Variants in SLC16A7 observed in about 807,000 individuals in gnomAD.
The protein encoded by SLC16A7 is solute carrier family 16 member 7.
In SLC16A7, 33 loss-of-function variants were observed where a neutral mutation model predicts 34.9. That is an observed-to-expected ratio of 0.94 (90% confidence interval 0.72 to 1.26). SLC16A7 has a LOEUF of 1.26. Among genes scored for constraint, SLC16A7 ranks in the 50% most tolerant of loss-of-function variants. SLC16A7 has a pLI of 0.00. For synonymous variants in SLC16A7, 201 were observed against 206.6 expected (o/e 0.97, Z 0.23); for missense variants, 573 against 578.1 (o/e 0.99, Z 0.09).
chr12:59,637,880 G>A (rs1880504024), intron 1 of SLC16A7, among the ~76,000 whole-genome samples: 1 of 152,120 alleles, frequency 6.6e-6, no homozygotes, highest in Non-Finnish European at 1.5e-5. Context: ...ATAAAAGCAA[G>A]TTTGGTTCCC....
chr12:59,670,216 A>G (rs930350490), intron 2 of SLC16A7, among the ~76,000 whole-genome samples: 2 of 152,138 alleles, frequency 1.3e-5, no homozygotes, highest in African/African-American at 2.4e-5. Context: ...GTGTCTTCAC[A>G]TGGCTGTCTT....
intron 3 of SLC16A7, among the ~76,000 whole-genome samples, chr12:59,741,990 A>G (rs1878401740): frequency 6.6e-6 from 1 of 152,188 alleles, no homozygotes; most frequent in African/African-American, 2.4e-5. Flanking sequence ...GCAGGAAAGA[A>G]CACTTAAAAG....
chr12:59,677,299 A>C (rs1426791689), intron 2 of SLC16A7, among the ~76,000 whole-genome samples: 1 of 152,136 alleles, frequency 6.6e-6, no homozygotes, highest in East Asian at 1.9e-4. Flanking sequence ...AAAATTTGAA[A>C]ATTGAACATT....
At chr12:59,702,218 A>G (rs1199076728) in intron 2 of SLC16A7, among the ~76,000 whole-genome samples, 2 of 152,078 alleles carry the variant, frequency 1.3e-5, no homozygotes, top group Admixed American at 6.6e-5. Context: ...TACCTACAAT[A>G]TTTATTTCCT....
intron 2 of SLC16A7, among the ~76,000 whole-genome samples, chr12:59,669,705 G>T (rs1869516727): frequency 7.9e-6 from 1 of 126,156 alleles, no homozygotes; most frequent in Non-Finnish European, 1.7e-5. Flanking sequence ...AAACGGGAGA[G>T]AAACAAAGGC....
At chr12:59,754,064 C>A (rs559939262) in intron 3 of SLC16A7, among the ~76,000 whole-genome samples, 2 of 152,084 alleles carry the variant, frequency 1.3e-5, no homozygotes, top group South Asian at 2.1e-4. Flanking sequence ...CCAATGAGAA[C>A]AAAGACGCAA....
At chr12:59,701,521 A>G (rs1056151640) in intron 2 of SLC16A7, among the ~76,000 whole-genome samples, 2 of 151,676 alleles carry the variant, frequency 1.3e-5, no homozygotes, top group Non-Finnish European at 3.0e-5. Flanking sequence ...GGAGCAAACC[A>G]AGTAGAATGC....
chr12:59,773,310 G>C (rs866161019), intron 4 of SLC16A7, among the ~76,000 whole-genome samples: 2 of 152,004 alleles, frequency 1.3e-5, no homozygotes, highest in Admixed American at 1.3e-4. Context: ...GCATGTTCTT[G>C]TTCCTTCTTG....
Position 59,675,997 on chromosome 12 carries a change from T to A in SLC16A7, c.-31+20747T>A, listed in dbSNP as rs571798081. 8.5e-5 allele frequency among the ~76,000 whole-genome samples: 13 copies of A among 152,316 alleles called. No individual in the cohort carries two copies. The East Asian group carries it at 2.3e-3, about 27-fold the overall frequency. On this transcript the variant is annotated intron_variant, in intron 2 of 5. Coordinates refer to ENST00000547379, the MANE Select transcript of SLC16A7 (RefSeq NM_001270623.2). ...TAATCTGTTCAAAAATTAAATTTTT[T>A]ATTATTTCATTGCCAATTGACCTTC...
rs1033292411 is a variant in SLC16A7 at position 59,768,128 on chromosome 12, G to A, written c.218-3091G>A. The A allele has an allele frequency of 5.1e-5, 23 of 454,422 alleles. No homozygotes were observed. The East Asian group carries it at 1.6e-3, about 32-fold the overall frequency. The allele number at this position is 454,422 out of a possible 1,614,324, so 28.1% of individuals were successfully genotyped here. The stretch of plus-strand genomic sequence containing the variant: ...AAATACATTTTGTAAGCTTACAGCT[G>A]CCGTACATAATGACTCCTCTGATGA... On this transcript the variant is annotated intron_variant, in intron 3 of 5. Transcript: ENST00000547379.
At chr12:59,748,446 TATCTC>T (rs1361602772) in intron 3 of SLC16A7, among the ~76,000 whole-genome samples, 1 of 152,226 alleles carries the variant, frequency 6.6e-6, no homozygotes, top group African/African-American at 2.4e-5. Flanking sequence ...GTGTGACACT[TATCTC>T]TATGTGAGCG....
intron 1 of SLC16A7, among the ~76,000 whole-genome samples, chr12:59,614,850 AAAATT>A (rs1359148437): frequency 6.7e-6 from 1 of 148,464 alleles, no homozygotes; most frequent in Non-Finnish European, 1.5e-5. Flanking sequence ...AAAAAAAAAA[AAAATT>A]AGCCAGGCGT....
rs568964806 is a variant in SLC16A7, at chr12:59,695,335, G to C, written c.-30-9437G>C. On this transcript the variant is annotated intron_variant, in intron 2 of 5. Transcript: ENST00000547379. ...TGGTTACTTGTGGTGGGATGGAGCT[G>C]CTGTTCTCGAATTACCCAGCTTTAA... Among the ~76,000 whole-genome samples the C allele has an allele frequency of 1.4e-3, 214 of 152,036 alleles. 1 individual carries two copies. Among genetic ancestry groups the C allele is most frequent in the Middle Eastern group, 6.8e-3 (2 of 294 alleles).
At chr12:59,678,286 T>C (rs1315486906) in intron 2 of SLC16A7, among the ~76,000 whole-genome samples, 2 of 152,118 alleles carry the variant, frequency 1.3e-5, no homozygotes, top group Non-Finnish European at 2.9e-5. Flanking sequence ...TGGGTCTGAG[T>C]TTTTGTCCTG....
chr12:59,661,201 G>A (rs1265282291), intron 2 of SLC16A7, among the ~76,000 whole-genome samples: 1 of 152,016 alleles, frequency 6.6e-6, no homozygotes, highest in Non-Finnish European at 1.5e-5. Context: ...TGTATTAGAT[G>A]TACAATTTAG....
Position 59,784,657 on chromosome 12 carries a change from A to G in SLC16A7, c.*4978A>G, listed in dbSNP as rs1883490345. Reference sequence around the variant, plus strand: ...CATTGCTTTTGTCTTCTCCATCTAGACTTTTGCAGTCCTTAGACTATAGTT... The same window carrying G: ...CATTGCTTTTGTCTTCTCCATCTAGGCTTTTGCAGTCCTTAGACTATAGTT... On this transcript the variant is annotated 3_prime_UTR_variant, in exon 6 of 6. Coordinates refer to ENST00000547379, the MANE Select transcript of SLC16A7 (RefSeq NM_001270623.2). The G allele has an allele frequency of 6.6e-6, 1 of 152,100 alleles. No homozygotes were observed. Among genetic ancestry groups the G allele is most frequent in the African/African-American group, 2.4e-5 (1 of 41,400 alleles). 9.4% of individuals were successfully genotyped at this position (152,100 alleles called of 1,614,324 possible).
intron 3 of SLC16A7, among the ~76,000 whole-genome samples, chr12:59,739,690 T>A (rs1446655895): frequency 6.6e-6 from 1 of 152,034 alleles, no homozygotes; most frequent in Non-Finnish European, 1.5e-5. Flanking sequence ...TTTCTCCACA[T>A]CCTCTCCAGC....
chr12:59,725,031 A>G (rs563832961), intron 3 of SLC16A7, among the ~76,000 whole-genome samples: 4 of 144,054 alleles, frequency 2.8e-5, no homozygotes, highest in Non-Finnish European at 5.9e-5. Context: ...GAATAATAGT[A>G]TAATTCCAAA....
At chr12:59,685,766 GA>G (rs1277324671) in intron 2 of SLC16A7, among the ~76,000 whole-genome samples, 1 of 151,730 alleles carries the variant, frequency 6.6e-6, no homozygotes, top group Non-Finnish European at 1.5e-5. Flanking sequence ...TTCTGTCTTT[GA>G]AAAAAATCTT....
Sources: gnomAD v4.1 joint callset for allele counts (sites outside exome capture counted in the v4.1 genomes callset) on GRCh38, gnomAD v4.1.1 for gene constraint, MANE v1.5 for transcripts, NCBI Gene and HGNC (gene_info 2026-07-23, HGNC 2026-07-21) for gene names.